The following FZD3 variants were observed in gnomAD, a reference collection of about 807,000 sequenced individuals.
The protein encoded by FZD3 is frizzled class receptor 3, also known as frizzled-3.
Under a neutral mutation model 60.7 loss-of-function variants are expected in FZD3, and 30 were observed. That is an observed-to-expected ratio of 0.49 (90% CI 0.37 to 0.67). The LOEUF (loss-of-function observed/expected upper bound fraction) is 0.67, where lower values mean the gene tolerates loss of function less well. Ranked by LOEUF, FZD3 falls within the 30% of genes least tolerant of loss-of-function variation. The pLI is 0.00. For synonymous variants in FZD3, 246 were observed against 275.2 expected (o/e 0.89, Z 1.05); for missense variants, 605 against 838.7 (o/e 0.72, Z 3.44).
intron 5 of FZD3, among the ~76,000 whole-genome samples, chr8:28,547,169 C>T (rs1805314495): frequency 6.6e-6 from 1 of 152,004 alleles, no homozygotes. Flanking sequence ...TCCTTTGCTC[C>T]CTCTTTTTTT....
intron 5 of FZD3, among the ~76,000 whole-genome samples, chr8:28,535,608 A>G (rs1804989912): frequency 6.6e-6 from 1 of 152,154 alleles, no homozygotes; most frequent in South Asian, 2.1e-4. Flanking sequence ...TAGCAAGAAC[A>G]CTCATTTTTA....
intron 6 of FZD3, among the ~76,000 whole-genome samples, chr8:28,554,678 G>A (rs1401544477): frequency 2.0e-5 from 3 of 151,946 alleles, no homozygotes; most frequent in Non-Finnish European, 4.4e-5. Context: ...ATGAATCTCT[G>A]TAATGATGAC....
intron 5 of FZD3, among the ~76,000 whole-genome samples, chr8:28,538,132 A>G (rs764217865): frequency 8.6e-5 from 13 of 150,426 alleles, no homozygotes; most frequent in Non-Finnish European, 1.6e-4. Context: ...AATAATAATA[A>G]TAATAATAAT....
chr8:28,551,004 T>C lies in FZD3; in HGVS notation c.1405-599T>C, dbSNP rs1385362767. On this transcript the variant is annotated intron_variant, in intron 5 of 7. Coordinates refer to ENST00000240093, the MANE Select transcript of FZD3 (RefSeq NM_017412.4). The stretch of plus-strand genomic sequence containing the variant: ...AGTTCATCTACATCACCACTGCCTC[T>C]CTCCCGCCATTGTACAAATGCTGTC... 5.9e-5 allele frequency among the ~76,000 whole-genome samples: 9 copies of C among 152,256 alleles called. No individual in the cohort carries two copies. The East Asian group carries it at 1.5e-3, about 26-fold the overall frequency.
intron 7 of FZD3, among the ~76,000 whole-genome samples, chr8:28,559,302 T>C (rs1243928282): frequency 1.3e-5 from 2 of 152,158 alleles, no homozygotes; most frequent in African/African-American, 4.8e-5. Flanking sequence ...TTGGGAAATA[T>C]TCACAGTAAT....
chr8:28,533,243 G>C (rs961424177), intron 5 of FZD3, among the ~76,000 whole-genome samples: 35 of 150,126 alleles, frequency 2.3e-4, no homozygotes, highest in African/African-American at 8.3e-4. Context: ...CTTGTTAGCT[G>C]TCCAGGCAGG....
chr8:28,571,864 A>T lies in FZD3; in HGVS notation c.*8853A>T, dbSNP rs936099699. 6.6e-6 allele frequency: 1 copy of T among 152,178 alleles called. No homozygotes were observed. The highest frequency in any genetic ancestry group is 6.5e-5 in the Admixed American group (1 of 15,282). The allele number at this position is 152,178 out of a possible 1,614,324, so 9.4% of individuals were successfully genotyped here. ...TCTTATCTTGTTATTTAATAGAACA[A>T]TGGAAGCTGTTTCGTCAAAATTAAA... On this transcript the variant is annotated 3_prime_UTR_variant, in exon 8 of 8. Coordinates refer to ENST00000240093, the MANE Select transcript of FZD3 (RefSeq NM_017412.4).
At chr8:28,516,824 TGTTA>T (rs978230885) in intron 3 of FZD3, among the ~76,000 whole-genome samples, 60 of 152,248 alleles carry the variant, frequency 3.9e-4, no homozygotes, top group African/African-American at 1.4e-3. Context: ...TCTGTTACTT[TGTTA>T]GTTGTGCATT....
At chr8:28,520,875 G>T in intron 4 of FZD3, 41 bp downstream of exon 4, 1 of 1,322,002 alleles carries the variant, frequency 7.6e-7, no homozygotes. Context: ...TTCTTATGTT[G>T]CAATATGTTT....
rs536014267 is a variant in FZD3 at position 28,573,079 on chromosome 8, A to G, written c.*10068A>G. 3.9e-5 allele frequency: 6 copies of G among 152,054 alleles called. No individual in the cohort carries two copies. Among genetic ancestry groups the G allele is most frequent in the Non-Finnish European group, 7.4e-5 (5 of 67,984 alleles). 9.4% of individuals were successfully genotyped at this position (152,054 alleles called of 1,614,324 possible). A position where few individuals can be genotyped will look rare whatever the true frequency, so the allele number is the denominator to read the frequency against. On this transcript the variant is annotated 3_prime_UTR_variant, in exon 8 of 8. Coordinates refer to ENST00000240093, the MANE Select transcript of FZD3 (RefSeq NM_017412.4). Reference sequence around the variant, plus strand: ...TGATCTCTCAATAATTGCTTGGTACACTTCTTCCTAGGCAATATGCTCATG... The same window carrying G: ...TGATCTCTCAATAATTGCTTGGTACGCTTCTTCCTAGGCAATATGCTCATG...
At chr8:28,521,454 G>T (rs1804577010) in intron 4 of FZD3, among the ~76,000 whole-genome samples, 1 of 152,042 alleles carries the variant, frequency 6.6e-6, no homozygotes, top group African/African-American at 2.4e-5. Context: ...CAAGGATAAA[G>T]AATAAGGTGA....
chr8:28,542,224 A>G (rs1393707493), intron 5 of FZD3, among the ~76,000 whole-genome samples: 1 of 146,274 alleles, frequency 6.8e-6, no homozygotes, highest in Non-Finnish European at 1.5e-5. Flanking sequence ...CCTCTTTGTT[A>G]TTGTTCTTCA....
At chr8:28,531,188 T>C (rs1804865466) in intron 5 of FZD3, among the ~76,000 whole-genome samples, 1 of 139,992 alleles carries the variant, frequency 7.1e-6, no homozygotes, top group African/African-American at 2.6e-5. Context: ...TTTTTCATTC[T>C]CCTGAATATT....
intron 3 of FZD3, among the ~76,000 whole-genome samples, chr8:28,510,598 A>G (rs1471417850): frequency 6.6e-6 from 1 of 152,238 alleles, no homozygotes; most frequent in Admixed American, 6.5e-5. Context: ...AATACCAGCA[A>G]GAGTATGAAA....
intron 3 of FZD3, among the ~76,000 whole-genome samples, chr8:28,506,222 C>T (rs1239232528): frequency 6.6e-6 from 1 of 152,154 alleles, no homozygotes; most frequent in Admixed American, 6.5e-5. Flanking sequence ...TTTCCTCATA[C>T]TGAATAATTG....
In FZD3 at chr8:28,564,257, CTG is replaced by C. The variant is rs1221028853; in HGVS notation, c.*1248_*1249del. On this transcript the variant is annotated 3_prime_UTR_variant, in exon 8 of 8. Coordinates refer to ENST00000240093, the MANE Select transcript of FZD3 (RefSeq NM_017412.4). ...ATGTTTAAATAATTTACAATATAAA[CTG>C]TAAAACTTATTAGGCATGAAATCAA... is the stretch of plus-strand genomic sequence containing the variant. 1 of 152,112 alleles carries C rather than the reference CTG, an allele frequency of 6.6e-6. No individual in the cohort carries two copies. Among genetic ancestry groups the C allele is most frequent in the Non-Finnish European group, 1.5e-5 (1 of 67,980 alleles). 9.4% of individuals were successfully genotyped at this position (152,112 alleles called of 1,614,324 possible).
intron 5 of FZD3, among the ~76,000 whole-genome samples, chr8:28,542,686 C>T (rs1008413642): frequency 1.3e-5 from 2 of 152,032 alleles, no homozygotes; most frequent in African/African-American, 4.8e-5. Context: ...TCCACTACCA[C>T]ACCACACCCA....
In FZD3 at chr8:28,566,908, C is replaced by T. The variant is rs545294887; in HGVS notation, c.*3897C>T. The stretch of plus-strand genomic sequence containing the variant: ...ATAAGGTAATTTTTGGTTTTAGCCT[C>T]CCTCACTGGATATTGTAAGGATCAA... On this transcript the variant is annotated 3_prime_UTR_variant, in exon 8 of 8. Coordinates refer to ENST00000240093, the MANE Select transcript of FZD3 (RefSeq NM_017412.4). The T allele has an allele frequency of 6.6e-6, 1 of 152,198 alleles. No homozygotes were observed. The highest frequency in any genetic ancestry group is 1.9e-4 in the East Asian group (1 of 5,188). The allele number at this position is 152,198 out of a possible 1,614,324, so 9.4% of individuals were successfully genotyped here.
intron 3 of FZD3, among the ~76,000 whole-genome samples, chr8:28,503,945 G>A (rs1272608204): frequency 6.6e-6 from 1 of 152,244 alleles, no homozygotes; most frequent in African/African-American, 2.4e-5. Flanking sequence ...ATAGTACTTG[G>A]CGCATAGTAA....
Sources: gnomAD v4.1 joint callset for allele counts (sites outside exome capture counted in the v4.1 genomes callset) on GRCh38, gnomAD v4.1.1 for gene constraint, MANE v1.5 for transcripts, NCBI Gene and HGNC (gene_info 2026-07-23, HGNC 2026-07-21) for gene names.